The following RFX3 variants were observed in gnomAD, a reference collection of about 807,000 sequenced individuals.
RFX3 encodes the protein transcription factor RFX3.
In RFX3, 14 loss-of-function variants were observed where a neutral mutation model predicts 98.6. The observed-to-expected ratio is 0.14, with a 90% CI of 0.09 to 0.22. The LOEUF (loss-of-function observed/expected upper bound fraction) is 0.22, where lower values mean the gene tolerates loss of function less well. Ranked by LOEUF, RFX3 falls within the 10% of genes least tolerant of loss-of-function variation. The pLI, the probability that RFX3 is intolerant of heterozygous loss-of-function variation, is 1.00. For synonymous variants in RFX3, 383 were observed against 328.4 expected, an observed-to-expected ratio of 1.17 and a Z score of -1.80; for missense variants, 639 against 926.9, an observed-to-expected ratio of 0.69 and a Z score of 4.03.
rs1484056034 is a variant in RFX3 at position 3,220,095 on chromosome 9, C to G, written c.*4947G>C. The G allele has an allele frequency of 6.6e-6, 1 of 152,128 alleles. No individual in the cohort carries two copies. Among genetic ancestry groups the G allele is most frequent in the Admixed American group, 6.6e-5 (1 of 15,250 alleles). 9.4% of individuals were successfully genotyped at this position (152,128 alleles called of 1,614,324 possible). A position where few individuals can be genotyped will look rare whatever the true frequency, so the allele number is the denominator to read the frequency against. On this transcript the variant is annotated 3_prime_UTR_variant, in exon 17 of 17. Transcript: ENST00000617270. ...GATGAGCTTAAAATCAAGTGCTTTG[C>G]TCTCCATTCTATCTATATATAATTT...
intron 1 of RFX3, among the ~76,000 whole-genome samples, chr9:3,434,247 A>G (rs2132581525): frequency 6.6e-6 from 1 of 152,248 alleles, no homozygotes; most frequent in East Asian, 1.9e-4. Flanking sequence ...CTGACACGTA[A>G]TAAAGCACTC....
intron 4 of RFX3, among the ~76,000 whole-genome samples, chr9:3,325,856 T>C (rs2991305): frequency 0.13 from 19,425 of 152,028 alleles, 1,302 homozygotes; most frequent in Middle Eastern, 0.19. Context: ...ATCATGAAAA[T>C]ACTTAGAATT....
chr9:3,506,452 A>T (rs971402053), intron 1 of RFX3, among the ~76,000 whole-genome samples: 1 of 151,804 alleles, frequency 6.6e-6, no homozygotes, highest in African/African-American at 2.4e-5. Flanking sequence ...TAGAAGGAAA[A>T]ACCCAAAGTT....
intron 2 of RFX3, among the ~76,000 whole-genome samples, chr9:3,376,689 A>G (rs1426074055): frequency 1.3e-5 from 2 of 152,076 alleles, no homozygotes; most frequent in African/African-American, 2.4e-5. Context: ...TTTGCAATCT[A>G]CTCATCTGAC....
chr9:3,317,617 C>T (rs144283031), intron 4 of RFX3, among the ~76,000 whole-genome samples: 18,397 of 152,056 alleles, frequency 0.12, 1,163 homozygotes, highest in Middle Eastern at 0.19. Flanking sequence ...TACAATCTAC[C>T]CATCTGACAA....
chr9:3,430,331 A>G (rs1458146844), intron 1 of RFX3, among the ~76,000 whole-genome samples: 1 of 152,198 alleles, frequency 6.6e-6, no homozygotes, highest in African/African-American at 2.4e-5. Flanking sequence ...CAGCTTAATT[A>G]GAAAGCATAG....
intron 4 of RFX3, among the ~76,000 whole-genome samples, chr9:3,315,261 C>T (rs569573685): frequency 6.7e-6 from 1 of 149,850 alleles, no homozygotes; most frequent in African/African-American, 2.5e-5. Context: ...GAACAACCTG[C>T]TCCTGAATGA....
At chr9:3,320,535 C>T (rs1384934095) in intron 4 of RFX3, among the ~76,000 whole-genome samples, 1 of 145,802 alleles carries the variant, frequency 6.9e-6, no homozygotes, top group African/African-American at 2.6e-5. Flanking sequence ...CTAGGTGACA[C>T]AGCAAGACTG....
At chr9:3,472,434 T>C (rs1354240880) in intron 1 of RFX3, among the ~76,000 whole-genome samples, 6 of 152,188 alleles carry the variant, frequency 3.9e-5, no homozygotes, top group Non-Finnish European at 8.8e-5. Context: ...TACATATATG[T>C]CACTAGCTCA....
At chr9:3,400,814 G>A (rs1019934154) in intron 1 of RFX3, among the ~76,000 whole-genome samples, 1 of 152,196 alleles carries the variant, frequency 6.6e-6, no homozygotes, top group Non-Finnish European at 1.5e-5. Context: ...AGAACCCCCT[G>A]ATGGAGGTGT....
Position 3,504,865 on chromosome 9 carries a change from A to C in RFX3, c.-9+20882T>G, listed in dbSNP as rs1312605681. On this transcript the variant is annotated intron_variant, in intron 1 of 16. Transcript: ENST00000617270. ...ATATATATATTATATATGATATAAT[A>C]TATATTATATATATTATATATAATA... Among the ~76,000 whole-genome samples, 5 of 77,350 alleles carry C rather than the reference A, an allele frequency of 6.5e-5. No individual in the cohort carries two copies. In the East Asian group the frequency reaches 2.8e-3, roughly 43 times the overall value. The allele number at this position is 77,350 out of a possible 152,430, so 50.7% of individuals were successfully genotyped here.
intron 1 of RFX3, among the ~76,000 whole-genome samples, chr9:3,505,262 T>TTATATATATATGAATATATATTTA (rs1816873659): frequency 1.4e-5 from 1 of 73,596 alleles, no homozygotes; most frequent in South Asian, 5.0e-4. Context: ...GAATATATAT[T>TTATATATATATGAATATATATTTA]TATATATATA....
At position 3,293,295 on chromosome 9, in the gene RFX3, C is replaced by A. The variant is rs777887448; in HGVS notation, c.550-37G>T. 23 of 1,501,470 alleles carry A rather than the reference C, an allele frequency of 1.5e-5. No individual in the cohort carries two copies. In the East Asian group the frequency reaches 5.0e-4, roughly 32 times the overall value. The allele number at this position is 1,501,470 out of a possible 1,614,324, so 93.0% of individuals were successfully genotyped here. ...AGACACAATAAACACAGACAAATCA[C>A]ATAATTTGCCAAAATTTCTACAAGA... On this transcript the variant is annotated intron_variant, in intron 5 of 16. Coordinates refer to ENST00000617270, the MANE Select transcript of RFX3 (RefSeq NM_001282116.2).
intron 1 of RFX3, among the ~76,000 whole-genome samples, chr9:3,408,121 A>G (rs1436869444): frequency 1.3e-5 from 2 of 152,180 alleles, no homozygotes; most frequent in Non-Finnish European, 1.5e-5. Flanking sequence ...TGTTTCAGTG[A>G]GCCTCTGGCA....
chr9:3,263,213 G>A (rs956343110), intron 12 of RFX3, 129 bp from the exon 13 acceptor site: 5 of 955,592 alleles, frequency 5.2e-6, no homozygotes, highest in Non-Finnish European at 7.8e-6. Context: ...AATTCATTTG[G>A]TGAGAGAGTT....
chr9:3,276,392 T>C (rs1357213358), intron 8 of RFX3, among the ~76,000 whole-genome samples: 18 of 152,152 alleles, frequency 1.2e-4, no homozygotes, highest in Admixed American at 1.1e-3. Flanking sequence ...TTTTGGTGCC[T>C]GTCTTACCAT....
intron 2 of RFX3, among the ~76,000 whole-genome samples, chr9:3,352,246 ATGTG>A (rs1449305237): frequency 2.6e-5 from 4 of 151,862 alleles, no homozygotes; most frequent in African/African-American, 9.7e-5. Flanking sequence ...AAATGTGTGT[ATGTG>A]TGTGTGCATA....
chr9:3,247,597 T>A, intron 15 of RFX3: 1 of 1,274,568 alleles, frequency 7.8e-7, no homozygotes. Flanking sequence ...ATCATTACCA[T>A]TTTTATCCTT....
chr9:3,261,807 G>A (rs900133400), intron 13 of RFX3, among the ~76,000 whole-genome samples: 1 of 152,006 alleles, frequency 6.6e-6, no homozygotes, highest in Non-Finnish European at 1.5e-5. Context: ...CGCCAATAGG[G>A]TATGTTATTA....
Sources: gnomAD v4.1 joint callset for allele counts (sites outside exome capture counted in the v4.1 genomes callset) on GRCh38, gnomAD v4.1.1 for gene constraint, MANE v1.5 for transcripts, NCBI Gene and HGNC (gene_info 2026-07-23, HGNC 2026-07-21) for gene names.